The following FAM222B variants were observed in gnomAD, a reference collection of about 807,000 sequenced individuals.
The protein encoded by FAM222B is family with sequence similarity 222 member B.
A neutral mutation model predicts 38.0 loss-of-function variants in FAM222B; 12 were observed. That is an observed-to-expected ratio of 0.32 (90% CI 0.20 to 0.51). The LOEUF (loss-of-function observed/expected upper bound fraction) is 0.51, where lower values mean the gene tolerates loss of function less well. Among genes scored for constraint, FAM222B ranks in the 20% least tolerant of loss-of-function variants. FAM222B has a pLI of 0.97. For missense variants in FAM222B, 716 were observed against 754.2 expected (o/e 0.95, Z 0.59); for synonymous variants, 329 against 317.2 (o/e 1.04, Z -0.40).
chr17:28,829,828 A>T (rs950401918), intron 1 of FAM222B, among the ~76,000 whole-genome samples: 4 of 152,012 alleles, frequency 2.6e-5, no homozygotes, highest in African/African-American at 9.7e-5. Flanking sequence ...ACTTGGATAA[A>T]TACTTAGGTC....
At chr17:28,786,894 ATTTTTTTTTTTTTTTT>A (rs34396988) in intron 1 of FAM222B, among the ~76,000 whole-genome samples, 3 of 72,002 alleles carry the variant, frequency 4.2e-5, no homozygotes, top group South Asian at 1.3e-3. Context: ...CCTTCACTGT[ATTTTTTTTTTTTTTTT>A]TTTTTTTTTT....
At chr17:28,776,917 TATCAA>T (rs2035923900) in intron 1 of FAM222B, 1 of 152,192 alleles carries the variant, frequency 6.6e-6, no homozygotes, top group South Asian at 2.1e-4. Flanking sequence ...ATTACAAGTT[TATCAA>T]ATCAGACTCT....
In FAM222B at chr17:28,776,814, G is replaced by A. The variant is rs149692321; in HGVS notation, c.-40-10107C>T. ...TTTATCCTACACTGCTCCCTATTCC[G>A]TTACTCCTGGGTTCCAAGAAATGTA... On this transcript the variant is annotated intron_variant, in intron 1 of 2. Transcript: ENST00000581407. Among the ~76,000 whole-genome samples, 12 of 152,090 alleles carry A rather than the reference G, an allele frequency of 7.9e-5. No homozygotes were observed. In the East Asian group the frequency reaches 2.1e-3, roughly 27 times the overall value.
chr17:28,813,128 AAAAAAAAAAAAAACACACACATAC>A (rs1415588019), intron 1 of FAM222B, among the ~76,000 whole-genome samples: 2 of 93,962 alleles, frequency 2.1e-5, no homozygotes, highest in South Asian at 3.3e-4. Flanking sequence ...CATCAGACAC[AAAAAAAAAAAAAACACACACATAC>A]AAAAAAAAAA....
intron 1 of FAM222B, chr17:28,849,250 C>T (rs189716519): frequency 3.5e-4 from 52 of 148,176 alleles, no homozygotes; most frequent in African/African-American, 1.3e-3. Flanking sequence ...GACAGCGAGA[C>T]TCCGTCTCAA....
intron 1 of FAM222B, among the ~76,000 whole-genome samples, chr17:28,822,802 C>CAAAAAAA (rs71135859): frequency 5.1e-4 from 5 of 9,882 alleles, no homozygotes; most frequent in Non-Finnish European, 7.4e-4. Flanking sequence ...GACTCCATCT[C>CAAAAAAA]AAAAAAAAAA....
chr17:28,830,576 T>G (rs1430405294), intron 1 of FAM222B, among the ~76,000 whole-genome samples: 2 of 152,224 alleles, frequency 1.3e-5, no homozygotes, highest in Non-Finnish European at 1.5e-5. Flanking sequence ...GTTTTTAATT[T>G]TGATGAAATC....
intron 1 of FAM222B, among the ~76,000 whole-genome samples, chr17:28,852,251 C>T (rs1188207479): frequency 6.6e-6 from 1 of 151,702 alleles, no homozygotes; most frequent in Non-Finnish European, 1.5e-5. Flanking sequence ...CCTGCAGTCT[C>T]AGCTACTCGG....
upstream of FAM222B, among the ~76,000 whole-genome samples, chr17:28,844,526 C>T (rs751857248): frequency 8.4e-4 from 127 of 152,014 alleles, no homozygotes; most frequent in Non-Finnish European, 1.5e-3. Flanking sequence ...GGCGTGGTGG[C>T]GGGCGCCTGT....
At chr17:28,811,926 C>T (rs2037785376) in intron 1 of FAM222B, among the ~76,000 whole-genome samples, 1 of 152,118 alleles carries the variant, frequency 6.6e-6, no homozygotes, top group African/African-American at 2.4e-5. Context: ...TTACGGTTTA[C>T]TGCATCAGAT....
At chr17:28,781,992 C>T (rs1217190892) in intron 1 of FAM222B, among the ~76,000 whole-genome samples, 1 of 152,104 alleles carries the variant, frequency 6.6e-6, no homozygotes, top group Non-Finnish European at 1.5e-5. Context: ...CCATTTCAGT[C>T]AACACTAGAC....
rs774687868 is a variant in FAM222B at position 28,759,498 on chromosome 17, C to T, written c.461G>A (p.Arg154His). ...CTGTGCATGCTGCAGGGCCTGCTGG[C>T]GGGCCAGAGCCTGGGCCTGGGGGTG... ...LAHPQAQALA[R>H]QQALQHAQTL... The change falls in exon 3 of 3, where the codon CGC becomes CAC. Residue 154 changes from arginine (R) to histidine (H), a missense_variant. Arg to His is a conservative substitution (Grantham distance 29). Coordinates refer to ENST00000581407, the MANE Select transcript of FAM222B (RefSeq NM_001077498.3). The surrounding 1 kb of genome is among the most constrained non-coding windows in gnomAD (Gnocchi z 4.8). The T allele has an allele frequency of 1.5e-5, 20 of 1,308,268 alleles. No individual in the cohort carries two copies. The highest frequency in any genetic ancestry group is 1.1e-4 in the South Asian group (9 of 78,514). The allele number at this position is 1,308,268 out of a possible 1,614,324, so 81.0% of individuals were successfully genotyped here.
intron 1 of FAM222B, among the ~76,000 whole-genome samples, chr17:28,837,444 T>A (rs868154061): frequency 0.016 from 2,472 of 149,896 alleles, 40 homozygotes; most frequent in Middle Eastern, 0.055. Context: ...AAAAAAAAAA[T>A]AAATAAATAA....
intron 1 of FAM222B, among the ~76,000 whole-genome samples, chr17:28,782,859 C>T (rs1335520191): frequency 6.6e-6 from 1 of 151,970 alleles, no homozygotes; most frequent in African/African-American, 2.4e-5. Flanking sequence ...CAAACTCGGC[C>T]GGGCGCGGTG....
At chr17:28,790,883 A>AAATTTTTTTTTTTTTTTTTTTT (rs1567838640) in intron 1 of FAM222B, among the ~76,000 whole-genome samples, 3 of 8,910 alleles carry the variant, frequency 3.4e-4, no homozygotes, top group African/African-American at 1.6e-3. Context: ...AAATTGTTTC[A>AAATTTTTTTTTTTTTTTTTTTT]CTTTTTTTTT....
intron 1 of FAM222B, among the ~76,000 whole-genome samples, chr17:28,777,727 T>C (rs1215588506): frequency 6.6e-6 from 1 of 152,130 alleles, no homozygotes; most frequent in Non-Finnish European, 1.5e-5. Flanking sequence ...TGTGTGTGTG[T>C]ACAGGTAACT....
rs2034970587 is a variant in FAM222B at position 28,759,703 on chromosome 17, G to C, written c.256C>G (p.Gln86Glu). ...TGTGTCGGGTAGGGGCTGTAGCGCT[G>C]GGCTGATGTGTCGAGGCCGTTCACA... ...RTVNGLDTSA[Q>E]RYSPYPTQAA... is the part of the protein sequence containing the mutation. The change falls in exon 3 of 3, where the codon CAG becomes GAG. Residue 86 changes from glutamine (Q) to glutamate (E), a missense_variant. By Grantham distance (29) the Gln-to-Glu change is conservative (BLOSUM62 2). Coordinates refer to ENST00000581407, the MANE Select transcript of FAM222B (RefSeq NM_001077498.3). The surrounding 1 kb of genome is among the most constrained non-coding windows in gnomAD (Gnocchi z 4.8). The C allele has an allele frequency of 1.9e-6, 3 of 1,613,692 alleles. No individual in the cohort carries two copies. The African/African-American group carries it at 4.0e-5, about 22-fold the overall frequency.
intron 1 of FAM222B, among the ~76,000 whole-genome samples, chr17:28,786,894 ATTTTTTTTTTT>A (rs34396988): frequency 1.4e-3 from 104 of 72,036 alleles, no homozygotes; most frequent in South Asian, 1.9e-3. Flanking sequence ...CCTTCACTGT[ATTTTTTTTTTT>A]TTTTTTTTTT....
intron 1 of FAM222B, among the ~76,000 whole-genome samples, chr17:28,836,638 TGCACCA>T (rs1422067225): frequency 6.6e-6 from 1 of 152,062 alleles, no homozygotes; most frequent in Non-Finnish European, 1.5e-5. Flanking sequence ...GGGGGCTGCA[TGCACCA>T]GTAATTGGAA....
Sources: allele counts gnomAD v4.1 joint callset (sites outside exome capture counted in the v4.1 genomes callset), GRCh38; gene constraint gnomAD v4.1.1; non-coding constraint Gnocchi (gnomAD v3.1); transcripts MANE v1.5; gene names NCBI Gene and HGNC (gene_info 2026-07-23, HGNC 2026-07-21).